RBM47: variants seen among roughly 807,000 people sequenced by gnomAD.
RBM47 encodes the protein RNA-binding protein 47.
RBM47 carries 21 observed loss-of-function variants against 47.1 expected under a neutral mutation model. That is an observed-to-expected ratio of 0.45 (90% CI 0.32 to 0.64). RBM47 has a LOEUF of 0.64. RBM47 is among the 30% of genes least tolerant of loss of function. The probability of loss-of-function intolerance (pLI) is 0.05; values close to 1 mark genes in which losing one functional copy is unlikely to be tolerated. For missense variants in RBM47, 708 were observed against 870.9 expected (o/e 0.81, Z 2.35); for synonymous variants, 375 against 361.7 (o/e 1.04, Z -0.42).
At chr4:40,477,861 A>G (rs527525542) in intron 2 of RBM47, among the ~76,000 whole-genome samples, 1 of 152,290 alleles carries the variant, frequency 6.6e-6, no homozygotes, top group Admixed American at 6.5e-5. Flanking sequence ...ACTAGTTTTA[A>G]CAAACTCAAA....
chr4:40,560,233 C>T (rs28688479), intron 1 of RBM47, among the ~76,000 whole-genome samples: 16,824 of 152,202 alleles, frequency 0.11, 1,668 homozygotes, highest in African/African-American at 0.27. Context: ...TAACTCCACT[C>T]CATGAAAAGT....
intron 1 of RBM47, among the ~76,000 whole-genome samples, chr4:40,592,968 TA>T: frequency 4.1e-4 from 8 of 19,336 alleles, no homozygotes; most frequent in Non-Finnish European, 6.6e-4. Context: ...TATATATATA[TA>T]TATATATATA....
At chr4:40,616,654 G>GT (rs1736761434) in intron 1 of RBM47, among the ~76,000 whole-genome samples, 1 of 152,050 alleles carries the variant, frequency 6.6e-6, no homozygotes, top group Non-Finnish European at 1.5e-5. Flanking sequence ...AAATGTGCCT[G>GT]TATCAGCTTT....
intron 2 of RBM47, among the ~76,000 whole-genome samples, chr4:40,508,345 C>G (rs1724413900): frequency 6.6e-6 from 1 of 152,190 alleles, no homozygotes; most frequent in African/African-American, 2.4e-5. Context: ...CAGAAACAGA[C>G]CTCTTTCCTT....
chr4:40,618,392 C>A (rs1560508544), intron 1 of RBM47, among the ~76,000 whole-genome samples: 1 of 152,170 alleles, frequency 6.6e-6, no homozygotes, highest in African/African-American at 2.4e-5. Context: ...CACTGCACTG[C>A]AGTCTGGTGA....
intron 3 of RBM47, among the ~76,000 whole-genome samples, chr4:40,450,974 T>G (rs1327171108): frequency 6.6e-6 from 1 of 152,174 alleles, no homozygotes; most frequent in African/African-American, 2.4e-5. Context: ...TGGTAGGTAC[T>G]TTTTAAATAG....
intron 2 of RBM47, among the ~76,000 whole-genome samples, chr4:40,498,897 T>C (rs553059142): frequency 6.6e-6 from 1 of 151,870 alleles, no homozygotes; most frequent in Non-Finnish European, 1.5e-5. Context: ...AATACAAAAT[T>C]AGCCGGGCAC....
chr4:40,516,386 A>G (rs560411128), intron 2 of RBM47, among the ~76,000 whole-genome samples: 3 of 151,462 alleles, frequency 2.0e-5, no homozygotes, highest in Non-Finnish European at 2.9e-5. Context: ...CAGCCTCCCA[A>G]GTAGCTGGGA....
chr4:40,582,006 C>G (rs1220641541), intron 1 of RBM47, among the ~76,000 whole-genome samples: 1 of 152,012 alleles, frequency 6.6e-6, no homozygotes, highest in Non-Finnish European at 1.5e-5. Context: ...GTCCCTACAC[C>G]AGAATCCCGG....
intron 1 of RBM47, among the ~76,000 whole-genome samples, chr4:40,564,588 G>A (rs1056947354): frequency 6.6e-6 from 1 of 152,138 alleles, no homozygotes; most frequent in Non-Finnish European, 1.5e-5. Flanking sequence ...AACAGCACAG[G>A]CAACACATCT....
At chr4:40,574,819 T>C (rs751394624) in intron 1 of RBM47, among the ~76,000 whole-genome samples, 2 of 152,112 alleles carry the variant, frequency 1.3e-5, no homozygotes, top group Non-Finnish European at 2.9e-5. Flanking sequence ...AACTGCACTC[T>C]AGCCTGGGCA....
chr4:40,557,650 G>A (rs1730228037), intron 1 of RBM47, among the ~76,000 whole-genome samples: 2 of 152,162 alleles, frequency 1.3e-5, no homozygotes, highest in Non-Finnish European at 2.9e-5. Context: ...TTGGGATGCT[G>A]AAGCAGGAGA....
intron 1 of RBM47, among the ~76,000 whole-genome samples, chr4:40,591,269 G>A (rs10050323): frequency 0.051 from 7,793 of 152,172 alleles, 641 homozygotes; most frequent in African/African-American, 0.17. Flanking sequence ...GTAGGTAGAG[G>A]TGATGGTTAT....
intron 2 of RBM47, among the ~76,000 whole-genome samples, chr4:40,534,317 T>C (rs754513851): frequency 4.1e-4 from 62 of 151,944 alleles, no homozygotes; most frequent in Non-Finnish European, 6.2e-4. Flanking sequence ...CACAAGAAGA[T>C]GCCCTGGAGA....
At chr4:40,537,829 T>C (rs965607780) in intron 2 of RBM47, among the ~76,000 whole-genome samples, 2 of 151,892 alleles carry the variant, frequency 1.3e-5, no homozygotes, top group African/African-American at 2.4e-5. Flanking sequence ...ACAAGTCTTT[T>C]TTTTCCTTCT....
intron 1 of RBM47, among the ~76,000 whole-genome samples, chr4:40,617,127 C>A (rs1476260100): frequency 6.6e-6 from 1 of 151,916 alleles, no homozygotes; most frequent in East Asian, 1.9e-4. Flanking sequence ...CCACCCGCCT[C>A]GGCCTCCCAA....
At chr4:40,583,866 AAAAAC>A in intron 1 of RBM47, among the ~76,000 whole-genome samples, 3 of 118,988 alleles carry the variant, frequency 2.5e-5, no homozygotes, top group Non-Finnish European at 5.4e-5. Context: ...TCAAAAAAAA[AAAAAC>A]AAAAAACAAA....
chr4:40,482,270 T>C (rs1273799242), intron 2 of RBM47, among the ~76,000 whole-genome samples: 1 of 152,104 alleles, frequency 6.6e-6, no homozygotes, highest in African/African-American at 2.4e-5. Context: ...TTTTAATTTT[T>C]TGAGACAGGG....
chr4:40,548,297 G>A (rs1577933374), intron 1 of RBM47, among the ~76,000 whole-genome samples: 1 of 152,320 alleles, frequency 6.6e-6, no homozygotes, highest in African/African-American at 2.4e-5. Context: ...CAGGATCTCT[G>A]GAGAACGACA....
Sources: allele counts gnomAD v4.1 joint callset (sites outside exome capture counted in the v4.1 genomes callset), GRCh38; gene constraint gnomAD v4.1.1; transcripts MANE v1.5; gene names NCBI Gene and HGNC (gene_info 2026-07-23, HGNC 2026-07-21).